DSCAM: variants seen among roughly 807,000 people sequenced by gnomAD.
DSCAM encodes the protein cell adhesion molecule DSCAM.
DSCAM carries 47 observed loss-of-function variants against 217.7 expected under a neutral mutation model. The observed-to-expected ratio is 0.22, with a 90% confidence interval of 0.17 to 0.28. The LOEUF (loss-of-function observed/expected upper bound fraction) is 0.28. DSCAM is among the 10% of genes least tolerant of loss of function. The probability of loss-of-function intolerance (pLI) is 1.00; values close to 1 mark genes in which losing one functional copy is unlikely to be tolerated. For synonymous variants in DSCAM, 1,056 were observed against 1,015.3 expected (o/e 1.04, Z -0.76); for missense variants, 2,080 against 2,618.3 (o/e 0.79, Z 4.49).
chr21:40,229,026 C>G (rs139901414), intron 11 of DSCAM, among the ~76,000 whole-genome samples: 121 of 152,324 alleles, frequency 7.9e-4, no homozygotes, highest in African/African-American at 2.7e-3. Context: ...AGCCTCTTCC[C>G]TAGCTTGTTT....
rs1040992464 is a variant in DSCAM at position 40,045,199 on chromosome 21, C to T, written c.5186-924G>A. ...CTCTAGGAAATTAATACAGATGTTGCCTGTATTTTTGTTTCTCATATTACT... is the reference window on the plus strand; with the variant it reads ...CTCTAGGAAATTAATACAGATGTTGTCTGTATTTTTGTTTCTCATATTACT... On this transcript the variant is annotated intron_variant, in intron 30 of 32. Transcript: ENST00000400454. Among the ~76,000 whole-genome samples, 5 of 152,240 alleles carry T rather than the reference C, an allele frequency of 3.3e-5. No homozygotes were observed. The South Asian group carries it at 6.2e-4, about 19-fold the overall frequency.
rs1275346780 is a variant in DSCAM, at chr21:40,320,643, A to G, written c.1784-8284T>C. 2.0e-5 allele frequency among the ~76,000 whole-genome samples: 3 copies of G among 152,234 alleles called. No individual in the cohort carries two copies. In the East Asian group the frequency reaches 5.8e-4, roughly 29 times the overall value. ...GCTGGGGGAGCCTCACAATCATGGC[A>G]GAAAGCAAGGAGAAGCAAGTCCCAC... On this transcript the variant is annotated intron_variant, in intron 8 of 32. Transcript: ENST00000400454.
At chr21:40,634,365 C>T (rs144960967) in intron 3 of DSCAM, among the ~76,000 whole-genome samples, 26 of 152,312 alleles carry the variant, frequency 1.7e-4, no homozygotes, top group African/African-American at 5.3e-4. Flanking sequence ...GACTTTGTGA[C>T]GGAACCGTGT....
chr21:40,466,018 G>A (rs949800789), intron 3 of DSCAM, among the ~76,000 whole-genome samples: 3 of 152,170 alleles, frequency 2.0e-5, no homozygotes, highest in Non-Finnish European at 2.9e-5. Context: ...AAAAGACTGT[G>A]AAACATGCAG....
chr21:40,633,143 C>T (rs1285510534), intron 3 of DSCAM, among the ~76,000 whole-genome samples: 7 of 152,214 alleles, frequency 4.6e-5, no homozygotes, highest in Admixed American at 6.5e-5. Flanking sequence ...TTTAATACAT[C>T]ATCACCAGCG....
intron 1 of DSCAM, among the ~76,000 whole-genome samples, chr21:40,709,483 C>T (rs2090753872): frequency 6.6e-6 from 1 of 152,166 alleles, no homozygotes; most frequent in African/African-American, 2.4e-5. Context: ...AATGCTATCC[C>T]TCCCCTAGTT....
rs151140295 is a variant in DSCAM at position 40,170,356 on chromosome 21, T to C, written c.2948-3068A>G. Among the ~76,000 whole-genome samples, 952 of 152,284 alleles carry C rather than the reference T, an allele frequency of 6.3e-3. 11 individuals are homozygous for C. Among genetic ancestry groups the C allele is most frequent in the African/African-American group, 0.022 (916 of 41,560 alleles). On this transcript the variant is annotated intron_variant, in intron 15 of 32. Transcript: ENST00000400454. ...CACCAGGAACTAAGCCCAGAGTGAGTCCTTGCTTTGAATGGGTAAAGCAAT... is the reference window on the plus strand; with the variant it reads ...CACCAGGAACTAAGCCCAGAGTGAGCCCTTGCTTTGAATGGGTAAAGCAAT...
chr21:40,303,491 T>C lies in DSCAM; in HGVS notation c.2063-7317A>G, dbSNP rs2074038768. 2.0e-5 allele frequency among the ~76,000 whole-genome samples: 3 copies of C among 152,146 alleles called. No individual in the cohort carries two copies. In the South Asian group the frequency reaches 6.2e-4, roughly 32 times the overall value. On this transcript the variant is annotated intron_variant, in intron 9 of 32. Transcript: ENST00000400454. ...CTATTTTCATCCCCATCTTTCTCAATCCACGTACAACATGTTTATTTTTCA... is the reference window on the plus strand; with the variant it reads ...CTATTTTCATCCCCATCTTTCTCAACCCACGTACAACATGTTTATTTTTCA...
chr21:40,829,209 G>A (rs947533876), intron 1 of DSCAM, among the ~76,000 whole-genome samples: 2 of 152,224 alleles, frequency 1.3e-5, no homozygotes, highest in Admixed American at 6.5e-5. Flanking sequence ...GTGTATTGGA[G>A]AGCAGGGAAT....
At chr21:40,626,800 G>A (rs528093707) in intron 3 of DSCAM, among the ~76,000 whole-genome samples, 5 of 152,296 alleles carry the variant, frequency 3.3e-5, no homozygotes, top group Admixed American at 1.3e-4. Flanking sequence ...CATAGTGGAT[G>A]GTAAGTACAT....
chr21:40,463,600 G>C lies in DSCAM; in HGVS notation c.509-94355C>G, dbSNP rs139377116. On this transcript the variant is annotated intron_variant, in intron 3 of 32. Coordinates refer to ENST00000400454, the MANE Select transcript of DSCAM (RefSeq NM_001389.5). ...TCTCACCCCATCCTTTGCAACATAG[G>C]CTGCTGCTCTTCCTGACCTTCATCA... Among the ~76,000 whole-genome samples, 1,255 of 152,190 alleles carry C rather than the reference G, an allele frequency of 8.2e-3. 9 individuals are homozygous for C. Among genetic ancestry groups the C allele is most frequent in the Non-Finnish European group, 0.012 (823 of 68,002 alleles).
At chr21:40,154,725 T>C (rs915483032) in intron 16 of DSCAM, among the ~76,000 whole-genome samples, 6 of 152,050 alleles carry the variant, frequency 3.9e-5, no homozygotes, top group African/African-American at 1.2e-4. Context: ...TTTCATGAAA[T>C]AGAAAAGGGC....
chr21:40,397,183 G>T (rs2075186775), intron 3 of DSCAM, among the ~76,000 whole-genome samples: 1 of 152,118 alleles, frequency 6.6e-6, no homozygotes, highest in Non-Finnish European at 1.5e-5. Flanking sequence ...AATAATCATT[G>T]TCTCAGTGAT....
intron 3 of DSCAM, among the ~76,000 whole-genome samples, chr21:40,445,835 T>C (rs2075670332): frequency 6.6e-6 from 1 of 152,220 alleles, no homozygotes; most frequent in South Asian, 2.1e-4. Context: ...AGAAGCATAT[T>C]CTTGTTTTCT....
intron 3 of DSCAM, among the ~76,000 whole-genome samples, chr21:40,570,869 T>C (rs142734072): frequency 0.01 from 1,543 of 151,850 alleles, 24 homozygotes; most frequent in African/African-American, 0.035. Context: ...AAACAAAGCA[T>C]CCAAGACCTG....
chr21:40,515,170 C>T (rs926127511), intron 3 of DSCAM, among the ~76,000 whole-genome samples: 3 of 152,046 alleles, frequency 2.0e-5, no homozygotes, highest in South Asian at 2.1e-4. Flanking sequence ...AAAAAGACTG[C>T]GAATTCATTT....
At chr21:40,596,906 G>C (rs2146254138) in intron 3 of DSCAM, among the ~76,000 whole-genome samples, 1 of 151,880 alleles carries the variant, frequency 6.6e-6, no homozygotes, top group Non-Finnish European at 1.5e-5. Context: ...CAGTATTCCA[G>C]AATTCATCAA....
At chr21:40,578,929 CAT>C (rs2076879940) in intron 3 of DSCAM, among the ~76,000 whole-genome samples, 1 of 152,142 alleles carries the variant, frequency 6.6e-6, no homozygotes, top group Non-Finnish European at 1.5e-5. Context: ...GTTCCAGAAA[CAT>C]AGTGTGGATG....
Position 40,204,430 on chromosome 21 carries a change from T to C in DSCAM, c.2357-15192A>G, listed in dbSNP as rs574745203. On this transcript the variant is annotated intron_variant, in intron 11 of 32. Coordinates refer to ENST00000400454, the MANE Select transcript of DSCAM (RefSeq NM_001389.5). Reference sequence around the variant, plus strand: ...CCCAAATTTTGTGTGAAAGCCAAGATGATGCATTTTTATTATGTTTATTAG... The same window carrying C: ...CCCAAATTTTGTGTGAAAGCCAAGACGATGCATTTTTATTATGTTTATTAG... 2.0e-5 allele frequency among the ~76,000 whole-genome samples: 3 copies of C among 152,354 alleles called. No individual in the cohort carries two copies. In the South Asian group the frequency reaches 6.2e-4, roughly 32 times the overall value.
Sources: allele counts gnomAD v4.1 joint callset (sites outside exome capture counted in the v4.1 genomes callset), GRCh38; gene constraint gnomAD v4.1.1; transcripts MANE v1.5; gene names NCBI Gene and HGNC (gene_info 2026-07-23, HGNC 2026-07-21).